Variants in KYAT1 observed in about 807,000 individuals in gnomAD.
KYAT1 encodes kynurenine aminotransferase 1.
KYAT1 carries 47 observed loss-of-function variants against 52.4 expected under a neutral mutation model. The ratio of observed to expected loss-of-function variants is 0.90; its 90% CI spans 0.71 to 1.14. KYAT1 has a LOEUF of 1.14. KYAT1 is among the 50% of genes most tolerant of loss of function. The pLI is 0.00. For missense variants in KYAT1, 480 were observed against 557.9 expected, an observed-to-expected ratio of 0.86 and a Z score of 1.41; for synonymous variants, 212 against 209.6, an observed-to-expected ratio of 1.01 and a Z score of -0.10.
chr9:128,868,462 G>C (rs1161994440), intron 1 of KYAT1, among the ~76,000 whole-genome samples: 2 of 152,098 alleles, frequency 1.3e-5, no homozygotes, highest in South Asian at 4.1e-4. Flanking sequence ...TGCAATCACG[G>C]TTCACTGTAG....
chr9:128,874,495 A>G (rs1322039333), intron 1 of KYAT1, among the ~76,000 whole-genome samples: 1 of 150,986 alleles, frequency 6.6e-6, no homozygotes, highest in South Asian at 2.1e-4. Context: ...TTTTTTGTAA[A>G]GATGGGGGTT....
intron 2 of KYAT1, among the ~76,000 whole-genome samples, chr9:128,843,394 T>C (rs1174207715): frequency 6.6e-6 from 1 of 151,552 alleles, no homozygotes; most frequent in Middle Eastern, 3.2e-3. Context: ...TTTTTTTTTT[T>C]TTTTGACAGA....
At chr9:128,843,265 A>G (rs1227969050) in intron 2 of KYAT1, among the ~76,000 whole-genome samples, 1 of 152,224 alleles carries the variant, frequency 6.6e-6, no homozygotes, top group Non-Finnish European at 1.5e-5. Flanking sequence ...AGATCTGCCT[A>G]AGTGTCACAG....
intron 1 of KYAT1, among the ~76,000 whole-genome samples, chr9:128,862,156 G>A (rs1320014131): frequency 2.0e-5 from 3 of 152,140 alleles, no homozygotes; most frequent in African/African-American, 7.2e-5. Flanking sequence ...ATCATCTCAA[G>A]TGAATTGAGC....
intron 1 of KYAT1, among the ~76,000 whole-genome samples, chr9:128,869,373 G>A (rs570767874): frequency 6.6e-6 from 1 of 151,496 alleles, no homozygotes; most frequent in Non-Finnish European, 1.5e-5. Context: ...GTGTTAGCCA[G>A]GGTGGTCTTG....
chr9:128,856,749 C>T (rs570627308), intron 1 of KYAT1, among the ~76,000 whole-genome samples: 22 of 152,324 alleles, frequency 1.4e-4, no homozygotes, highest in South Asian at 1.2e-3. Context: ...AGGGGCACAA[C>T]GCACTGCGGA....
chr9:128,836,161 G>A (rs1831059245), intron 7 of KYAT1, 88 bp from the exon 8 acceptor site: 3 of 1,100,522 alleles, frequency 2.7e-6, no homozygotes, highest in Non-Finnish European at 4.0e-6. Flanking sequence ...GACACGCATA[G>A]GCTTTTGACA....
chr9:128,878,848 C>T (rs1279419992), intron 1 of KYAT1, among the ~76,000 whole-genome samples: 2 of 152,176 alleles, frequency 1.3e-5, no homozygotes, highest in Non-Finnish European at 1.5e-5. Flanking sequence ...GAACACACAA[C>T]AGATAGGCAG....
At chr9:128,842,937 T>A in intron 2 of KYAT1, 136 bp from the exon 3 acceptor site, 1 of 762,730 alleles carries the variant, frequency 1.3e-6, no homozygotes. Flanking sequence ...GAGGCCGAGG[T>A]GGGCGGATCA....
At chr9:128,865,314 T>C (rs1836064883) in intron 1 of KYAT1, among the ~76,000 whole-genome samples, 2 of 1,856 alleles carry the variant, frequency 1.1e-3, no homozygotes, top group African/African-American at 5.0e-3. Context: ...CCTACATATA[T>C]ATATATATAT....
At chr9:128,843,643 A>G (rs1832604622) in intron 2 of KYAT1, among the ~76,000 whole-genome samples, 1 of 152,068 alleles carries the variant, frequency 6.6e-6, no homozygotes, top group South Asian at 2.1e-4. Context: ...TGGCCTCTCA[A>G]AGTGCTAGCA....
rs570656239 is a variant in KYAT1, at chr9:128,867,960, A to G, written c.-7+13937T>C. Among the ~76,000 whole-genome samples the G allele has an allele frequency of 8.5e-5, 13 of 152,066 alleles. No individual in the cohort carries two copies. The South Asian group carries it at 2.1e-3, about 24-fold the overall frequency. On this transcript the variant is annotated intron_variant, in intron 1 of 12. Transcript: ENST00000302586. ...GCTAATTTTTTTGTATTTTTAGTAG[A>G]GACGGGGTTTCACCATGTTAGCCAG...
chr9:128,882,339 C>A (rs1839078951), upstream of KYAT1: 1 of 180,156 alleles, frequency 5.6e-6, no homozygotes, highest in African/African-American at 2.3e-5. Context: ...CGGCCCGGGG[C>A]GCCCGGGGCA....
chr9:128,853,037 T>G (rs1463877633), intron 1 of KYAT1, among the ~76,000 whole-genome samples: 1 of 152,252 alleles, frequency 6.6e-6, no homozygotes, highest in Admixed American at 6.5e-5. Context: ...TTCCTCACAG[T>G]ACAACTAAGA....
Position 128,835,332 on chromosome 9 carries a change from G to A in KYAT1, c.1113C>T (p.Ile371=). 1 of 1,613,664 alleles carries A rather than the reference G, an allele frequency of 6.2e-7. No homozygotes were observed. ...PYDRRFVKWM[I]KNKGLVAIPV... is the part of the protein sequence containing the mutation. ...CAGAGGCCCAGCCCACCTTGTTCTTGATCATCCACTTGACGAAGCGTCTGT... is the reference window on the plus strand; with the variant it reads ...CAGAGGCCCAGCCCACCTTGTTCTTAATCATCCACTTGACGAAGCGTCTGT... The change falls in exon 11 of 13, where the codon ATC becomes ATT. Residue 371 remains isoleucine (I), a synonymous_variant. Transcript: ENST00000302586.
At chr9:128,835,047 G>C (rs2118899572) in intron 11 of KYAT1, 1 of 429,528 alleles carries the variant, frequency 2.3e-6, no homozygotes, top group African/African-American at 2.0e-5. Context: ...TGAGGCAGGA[G>C]AATGGCGTGA....
chr9:128,878,310 T>C lies in KYAT1; in HGVS notation c.-7+3587A>G, dbSNP rs564318897. Among the ~76,000 whole-genome samples, 6 of 152,186 alleles carry C rather than the reference T, an allele frequency of 3.9e-5. No individual in the cohort carries two copies. The East Asian group carries it at 1.2e-3, about 29-fold the overall frequency. ...CCACCACACCCAGCTAATTTTTGTATTTTTGATAGAGATGGGGTTTTACCA... is the reference window on the plus strand; with the variant it reads ...CCACCACACCCAGCTAATTTTTGTACTTTTGATAGAGATGGGGTTTTACCA... On this transcript the variant is annotated intron_variant, in intron 1 of 12. Transcript: ENST00000302586.
chr9:128,879,447 C>T (rs1230912074), intron 1 of KYAT1, among the ~76,000 whole-genome samples: 2 of 152,180 alleles, frequency 1.3e-5, no homozygotes, highest in East Asian at 3.9e-4. Context: ...TCGCCCCCAC[C>T]TGGATTATAA....
intron 1 of KYAT1, among the ~76,000 whole-genome samples, chr9:128,857,915 C>A (rs1834889357): frequency 6.6e-6 from 1 of 152,136 alleles, no homozygotes; most frequent in Admixed American, 6.5e-5. Flanking sequence ...AGGAATAAAT[C>A]TCTGTGACCT....
Sources: allele counts gnomAD v4.1 joint callset (sites outside exome capture counted in the v4.1 genomes callset), GRCh38; gene constraint gnomAD v4.1.1; transcripts MANE v1.5; gene names NCBI Gene and HGNC (gene_info 2026-07-23, HGNC 2026-07-21).